Variants in SLIT2 observed in about 807,000 individuals in gnomAD.
The protein encoded by SLIT2 is slit guidance ligand 2.
A neutral mutation model predicts 185.7 loss-of-function variants in SLIT2; 41 were observed. The ratio of observed to expected loss-of-function variants is 0.22; its 90% CI spans 0.17 to 0.29. The LOEUF is 0.29. SLIT2 is among the 10% of genes least tolerant of loss of function. The pLI is 1.00. For synonymous variants in SLIT2, 693 were observed against 680.2 expected (o/e 1.02, Z -0.29); for missense variants, 1,571 against 1,909.0 (o/e 0.82, Z 3.30).
At chr4:20,557,146 T>C (rs13148960) in intron 26 of SLIT2, among the ~76,000 whole-genome samples, 39,171 of 152,014 alleles carry the variant, frequency 0.26, 5,574 homozygotes, top group Non-Finnish European at 0.32. Flanking sequence ...AAGCTCCAAG[T>C]ACTGATGTAG....
intron 3 of SLIT2, among the ~76,000 whole-genome samples, chr4:20,258,732 C>T (rs935768613): frequency 1.1e-4 from 16 of 151,712 alleles, no homozygotes; most frequent in African/African-American, 3.9e-4. Context: ...GTATGTCTTA[C>T]ATGCCTTGAT....
intron 4 of SLIT2, among the ~76,000 whole-genome samples, chr4:20,277,143 G>T (rs551672400): frequency 6.6e-6 from 1 of 152,112 alleles, no homozygotes; most frequent in South Asian, 2.1e-4. Flanking sequence ...AGGCTGTGCT[G>T]TCAGGAGATG....
intron 4 of SLIT2, among the ~76,000 whole-genome samples, chr4:20,344,474 A>G (rs146738937): frequency 8.5e-4 from 129 of 152,284 alleles, no homozygotes; most frequent in Non-Finnish European, 1.4e-3. Flanking sequence ...CTGCATTGAA[A>G]CACTGCTAGC....
chr4:20,431,610 G>A (rs1728985774), intron 4 of SLIT2, among the ~76,000 whole-genome samples: 1 of 152,192 alleles, frequency 6.6e-6, no homozygotes, highest in Non-Finnish European at 1.5e-5. Context: ...GTAATAGACA[G>A]CAGGAGGCAG....
At chr4:20,378,490 C>CT (rs1217723664) in intron 4 of SLIT2, among the ~76,000 whole-genome samples, 3 of 151,948 alleles carry the variant, frequency 2.0e-5, no homozygotes, top group African/African-American at 7.3e-5. Context: ...AGATTTTGAG[C>CT]TTTTTTTAAT....
At chr4:20,305,523 G>A (rs1717458979) in intron 4 of SLIT2, among the ~76,000 whole-genome samples, 1 of 152,154 alleles carries the variant, frequency 6.6e-6, no homozygotes, top group Non-Finnish European at 1.5e-5. Context: ...CCATTAGAAT[G>A]AAAGGCAAAT....
At chr4:20,575,519 T>C (rs1488078925) in intron 29 of SLIT2, among the ~76,000 whole-genome samples, 2 of 152,188 alleles carry the variant, frequency 1.3e-5, no homozygotes, top group Non-Finnish European at 2.9e-5. Flanking sequence ...ACCTTGTAAG[T>C]AGAGGCCCAG....
At chr4:20,570,715 ATATATATATATATATG>A (rs1394205670) in intron 29 of SLIT2, among the ~76,000 whole-genome samples, 2 of 49,558 alleles carry the variant, frequency 4.0e-5, no homozygotes, top group Admixed American at 3.4e-4. Context: ...AACCAGGAAT[ATATATATATATATATG>A]TATATATATA....
At chr4:20,589,788 T>A in intron 30 of SLIT2, 51 bp downstream of exon 30, 3 of 1,285,774 alleles carry the variant, frequency 2.3e-6, no homozygotes, top group Non-Finnish European at 3.4e-6. Context: ...GGACCCATTA[T>A]TTTAGGAGCC....
intron 16 of SLIT2, among the ~76,000 whole-genome samples, chr4:20,530,329 G>A (rs1430239840): frequency 6.6e-6 from 1 of 151,884 alleles, no homozygotes; most frequent in Non-Finnish European, 1.5e-5. Context: ...GAGTGCAGTG[G>A]CACAATCACA....
At chr4:20,471,941 G>C (rs986526509) in intron 5 of SLIT2, among the ~76,000 whole-genome samples, 1 of 151,416 alleles carries the variant, frequency 6.6e-6, no homozygotes, top group African/African-American at 2.4e-5. Flanking sequence ...ATTTTATTTT[G>C]CTACCTTATT....
chr4:20,533,423 A>C (rs1015764458), intron 17 of SLIT2, 149 bp from the exon 18 acceptor site: 10 of 630,370 alleles, frequency 1.6e-5, no homozygotes, highest in Non-Finnish European at 2.6e-5. Context: ...TTGATGGTGT[A>C]AGGAAGTGGA....
rs1447662800 is a variant in SLIT2 at position 20,419,835 on chromosome 4, A to G, written c.396-47917A>G. ...GAGATCGATGATGGTGTGTTTTGTA[A>G]CCTTCACACGGTTTTCTATATCATA... On this transcript the variant is annotated intron_variant, in intron 4 of 36. Transcript: ENST00000504154. Among the ~76,000 whole-genome samples, 34 of 151,982 alleles carry G rather than the reference A, an allele frequency of 2.2e-4. 1 individual carries two copies. Among genetic ancestry groups the G allele is most frequent in the Admixed American group, 2.2e-3 (34 of 15,244 alleles).
intron 29 of SLIT2, among the ~76,000 whole-genome samples, chr4:20,570,760 TA>T (rs1725539012): frequency 7.5e-6 from 1 of 133,368 alleles, no homozygotes; most frequent in Non-Finnish European, 1.6e-5. Context: ...TATATATATA[TA>T]TTTCCTGATG....
At chr4:20,545,802 G>T (rs1346506867) in intron 21 of SLIT2, among the ~76,000 whole-genome samples, 1 of 151,838 alleles carries the variant, frequency 6.6e-6, no homozygotes, top group Non-Finnish European at 1.5e-5. Context: ...ATGGCTAAAT[G>T]CTGGGCTTGC....
At chr4:20,563,699 TTGTC>T (rs72031938) in intron 26 of SLIT2, among the ~76,000 whole-genome samples, 16,643 of 151,812 alleles carry the variant, frequency 0.11, 1,045 homozygotes, top group Admixed American at 0.17. Flanking sequence ...TAATTTGCCT[TTGTC>T]TGTGTTGAAA....
rs1402311506 is a variant in SLIT2, at chr4:20,472,629, T to TAA, written c.467+4807_467+4808insAA. Among the ~76,000 whole-genome samples the TAA allele has an allele frequency of 1.3e-4, 2 of 15,760 alleles. 1 individual carries two copies. Among genetic ancestry groups the TAA allele is most frequent in the East Asian group, 6.6e-3 (2 of 302 alleles). 10.3% of individuals were successfully genotyped at this position (15,760 alleles called of 152,430 possible). A position where few individuals can be genotyped will look rare whatever the true frequency, so the allele number is the denominator to read the frequency against. Reference sequence around the variant, plus strand: ...ATATATCTATATATATCGATATATCTATATATATCGATATATATATTTAAA... The same window carrying TAA: ...ATATATCTATATATATCGATATATCTAAATATATATCGATATATATATTTAAA... On this transcript the variant is annotated intron_variant, in intron 5 of 36. Transcript: ENST00000504154.
intron 4 of SLIT2, among the ~76,000 whole-genome samples, chr4:20,270,627 G>A (rs772518951): frequency 6.6e-6 from 1 of 151,866 alleles, no homozygotes; most frequent in Non-Finnish European, 1.5e-5. Context: ...CTGGCTCAAA[G>A]GATTTGTCCT....
At chr4:20,563,610 T>A (rs1724867458) in intron 26 of SLIT2, among the ~76,000 whole-genome samples, 1 of 151,754 alleles carries the variant, frequency 6.6e-6, no homozygotes, top group South Asian at 2.1e-4. Flanking sequence ...GTCCCTGTAG[T>A]TTCCCCAAAT....
Sources: gnomAD v4.1 joint callset for allele counts (sites outside exome capture counted in the v4.1 genomes callset) on GRCh38, gnomAD v4.1.1 for gene constraint, MANE v1.5 for transcripts, NCBI Gene and HGNC (gene_info 2026-07-23, HGNC 2026-07-21) for gene names.